The following GFOD1 variants were observed in gnomAD, a reference collection of about 807,000 sequenced individuals.
GFOD1 encodes Gfo/Idh/MocA-like oxidoreductase domain containing 1, also known as glucose-fructose oxidoreductase domain-containing protein 1.
A neutral mutation model predicts 25.4 loss-of-function variants in GFOD1; 9 were observed. That is an observed-to-expected ratio of 0.35 (90% CI 0.21 to 0.62). The LOEUF (loss-of-function observed/expected upper bound fraction) is 0.62, where lower values mean the gene tolerates loss of function less well. GFOD1 is among the 20% of genes least tolerant of loss of function. The pLI is 0.72. For missense variants in GFOD1, 403 were observed against 556.9 expected (o/e 0.72, Z 2.78); for synonymous variants, 253 against 245.6 (o/e 1.03, Z -0.28).
At chr6:13,408,822 C>T (rs1016930239) in intron 1 of GFOD1, among the ~76,000 whole-genome samples, 8 of 152,040 alleles carry the variant, frequency 5.3e-5, no homozygotes, top group African/African-American at 2.4e-5. Flanking sequence ...TGGTGGCTCA[C>T]GCCTGTAATC....
intron 1 of GFOD1, chr6:13,486,188 C>G: frequency 1.0e-6 from 1 of 993,704 alleles, no homozygotes; most frequent in Non-Finnish European, 1.2e-6. Context: ...TCAGGCGTTT[C>G]TGGGCGCGCA....
intron 1 of GFOD1, among the ~76,000 whole-genome samples, chr6:13,478,721 G>A (rs1376727017): frequency 1.3e-5 from 2 of 152,222 alleles, no homozygotes; most frequent in African/African-American, 2.4e-5. Flanking sequence ...TGGGAGCTGC[G>A]TGTGGACAAT....
chr6:13,387,466 C>T (rs554430111), intron 1 of GFOD1, among the ~76,000 whole-genome samples: 17 of 152,274 alleles, frequency 1.1e-4, no homozygotes, highest in African/African-American at 2.9e-4. Flanking sequence ...GTTCAACATA[C>T]GCAAATCAAT....
At chr6:13,401,915 T>C (rs1489285021) in intron 1 of GFOD1, among the ~76,000 whole-genome samples, 1 of 152,252 alleles carries the variant, frequency 6.6e-6, no homozygotes, top group Non-Finnish European at 1.5e-5. Context: ...AAAACTACTT[T>C]AGCACTTCAT....
At position 13,358,696 on chromosome 6, in the gene GFOD1, T is replaced by G. The variant is rs907630; in HGVS notation, c.*6047A>C. On this transcript the variant is annotated 3_prime_UTR_variant, in exon 2 of 2. Coordinates refer to ENST00000379287, the MANE Select transcript of GFOD1 (RefSeq NM_018988.4). ...TCAACAGCTTAGCCCTTGTGGTGGC[T>G]GCAGGGGACAGTAGAGACCTGGAAG... The G allele has an allele frequency of 0.17, 25,483 of 152,334 alleles. 5,725 individuals carry two copies. Among genetic ancestry groups the G allele is most frequent in the African/African-American group, 0.52 (21,524 of 41,476 alleles). The allele number at this position is 152,334 out of a possible 1,614,324, so 9.4% of individuals were successfully genotyped here.
At chr6:13,398,707 A>G (rs1384362043) in intron 1 of GFOD1, among the ~76,000 whole-genome samples, 3 of 152,192 alleles carry the variant, frequency 2.0e-5, no homozygotes, top group Non-Finnish European at 2.9e-5. Context: ...TTGAGCCATC[A>G]GCACCTCACT....
chr6:13,480,251 T>C (rs1297409387), intron 1 of GFOD1, among the ~76,000 whole-genome samples: 1 of 152,186 alleles, frequency 6.6e-6, no homozygotes, highest in African/African-American at 2.4e-5. Flanking sequence ...AAAAGAGCCT[T>C]GCACTCCCAT....
At chr6:13,375,645 T>G (rs918270050) in intron 1 of GFOD1, among the ~76,000 whole-genome samples, 4 of 152,180 alleles carry the variant, frequency 2.6e-5, no homozygotes, top group African/African-American at 9.7e-5. Flanking sequence ...AGTGTTGAAC[T>G]GAATTAATTG....
intron 1 of GFOD1, among the ~76,000 whole-genome samples, chr6:13,465,859 C>G (rs1758371750): frequency 6.6e-6 from 1 of 152,194 alleles, no homozygotes; most frequent in South Asian, 2.1e-4. Flanking sequence ...ACTATCAGCA[C>G]ATTTATAATG....
intron 1 of GFOD1, among the ~76,000 whole-genome samples, chr6:13,366,345 C>CT (rs531502927): frequency 8.2e-4 from 125 of 151,568 alleles, no homozygotes; most frequent in Non-Finnish European, 1.6e-3. Context: ...CCTAGCTAAA[C>CT]TTTTTTTTGA....
intron 1 of GFOD1, among the ~76,000 whole-genome samples, chr6:13,485,328 T>C (rs1758840799): frequency 6.6e-6 from 1 of 152,258 alleles, no homozygotes. Flanking sequence ...AATCCATACC[T>C]ATTTTTAACA....
Position 13,398,158 on chromosome 6 carries a change from C to T in GFOD1, c.254-32496G>A, listed in dbSNP as rs4715261. Among the ~76,000 whole-genome samples, 304 of 152,154 alleles carry T rather than the reference C, an allele frequency of 2.0e-3. 1 individual carries two copies. Among genetic ancestry groups the T allele is most frequent in the African/African-American group, 7.0e-3 (290 of 41,464 alleles). On this transcript the variant is annotated intron_variant, in intron 1 of 1. Transcript: ENST00000379287. ...CAATGTCAGTTACTGCTCTGAGCCT[C>T]GGCTTCCTCATCTTCAAAATGGAAA...
intron 1 of GFOD1, among the ~76,000 whole-genome samples, chr6:13,415,291 C>A (rs490443): frequency 0.59 from 88,977 of 152,054 alleles, 29,229 homozygotes; most frequent in Non-Finnish European, 0.73. Context: ...AATGTGCTTG[C>A]CTGTGGGAAG....
At chr6:13,452,546 AG>A (rs1341519972) in intron 1 of GFOD1, among the ~76,000 whole-genome samples, 1 of 152,188 alleles carries the variant, frequency 6.6e-6, no homozygotes, top group Non-Finnish European at 1.5e-5. Context: ...TCCTGTTTAC[AG>A]GGGGCGCCTT....
At chr6:13,416,727 CT>C (rs756415979) in intron 1 of GFOD1, among the ~76,000 whole-genome samples, 2 of 152,310 alleles carry the variant, frequency 1.3e-5, no homozygotes, top group Non-Finnish European at 2.9e-5. Context: ...ATGTACCAGA[CT>C]TTAATTATTC....
At position 13,393,780 on chromosome 6, in the gene GFOD1, CTTTT is replaced by C. The variant is rs70989854; in HGVS notation, c.254-28122_254-28119del. ...CCTTGGCCAATTTCTTTTTTCTTTT[CTTTT>C]TTTTTTTTTTTTTGAGACGGAGTTT... On this transcript the variant is annotated intron_variant, in intron 1 of 1. Coordinates refer to ENST00000379287, the MANE Select transcript of GFOD1 (RefSeq NM_018988.4). Among the ~76,000 whole-genome samples, 618 of 120,244 alleles carry C rather than the reference CTTTT, an allele frequency of 5.1e-3. 3 individuals carry two copies. The highest frequency in any genetic ancestry group is 7.6e-3 in the Non-Finnish European group (461 of 60,346). 78.9% of individuals were successfully genotyped at this position (120,244 alleles called of 152,430 possible). A position where few individuals can be genotyped will look rare whatever the true frequency, so the allele number is the denominator to read the frequency against.
chr6:13,420,489 G>A (rs545337754), intron 1 of GFOD1, among the ~76,000 whole-genome samples: 12 of 152,308 alleles, frequency 7.9e-5, no homozygotes, highest in Admixed American at 7.2e-4. Context: ...AATTAGGAGC[G>A]GAAGAGAAAA....
chr6:13,478,633 A>C (rs1393340719), intron 1 of GFOD1, among the ~76,000 whole-genome samples: 1 of 152,232 alleles, frequency 6.6e-6, no homozygotes, highest in South Asian at 2.1e-4. Context: ...GGGAGAAAGC[A>C]TCTGGTACAA....
At chr6:13,449,584 G>C (rs2127573553) in intron 1 of GFOD1, among the ~76,000 whole-genome samples, 1 of 152,296 alleles carries the variant, frequency 6.6e-6, no homozygotes. Flanking sequence ...TAATTCCCAT[G>C]TGTTGTGGGA....
Sources: gnomAD v4.1 joint callset for allele counts (sites outside exome capture counted in the v4.1 genomes callset) on GRCh38, gnomAD v4.1.1 for gene constraint, MANE v1.5 for transcripts, NCBI Gene and HGNC (gene_info 2026-07-23, HGNC 2026-07-21) for gene names.